The following ITSN1 variants were observed in gnomAD, a reference collection of about 807,000 sequenced individuals.
The protein encoded by ITSN1 is intersectin-1.
A neutral mutation model predicts 239.8 loss-of-function variants in ITSN1; 58 were observed. That is an observed-to-expected ratio of 0.24 (90% CI 0.20 to 0.30). The LOEUF is 0.30. Among genes scored for constraint, ITSN1 ranks in the 10% least tolerant of loss-of-function variants. The pLI is 1.00. For missense variants in ITSN1, 1,558 were observed against 2,103.3 expected (o/e 0.74, Z 5.07); for synonymous variants, 780 against 770.8 (o/e 1.01, Z -0.20).
At chr21:33,817,061 T>G (rs575675825) in intron 22 of ITSN1, among the ~76,000 whole-genome samples, 17 of 152,330 alleles carry the variant, frequency 1.1e-4, no homozygotes, top group Non-Finnish European at 2.4e-4. Context: ...TCTAAAGGCA[T>G]GTACAAATTG....
In ITSN1 at chr21:33,848,076, C is replaced by A. The variant is rs191171473; in HGVS notation, c.3662-8660C>A. Among the ~76,000 whole-genome samples the A allele has an allele frequency of 1.9e-3, 284 of 152,362 alleles. 1 individual carries two copies. The highest frequency in any genetic ancestry group is 3.0e-3 in the Non-Finnish European group (204 of 68,026). ...GCCGCACTGATCCCCTGAAACACAG[C>A]CAAGACCTTCCCAGCTCCGCAGCCA... On this transcript the variant is annotated intron_variant, in intron 29 of 39. Coordinates refer to ENST00000381318, the MANE Select transcript of ITSN1 (RefSeq NM_003024.3).
intron 1 of ITSN1, among the ~76,000 whole-genome samples, chr21:33,663,215 T>C (rs900226514): frequency 6.6e-6 from 1 of 152,246 alleles, no homozygotes; most frequent in Non-Finnish European, 1.5e-5. Context: ...GTTATGCCTG[T>C]AATTACTGCT....
chr21:33,785,194 T>A (rs1021188115), intron 16 of ITSN1, among the ~76,000 whole-genome samples: 22 of 152,208 alleles, frequency 1.4e-4, no homozygotes, highest in Admixed American at 6.5e-5. Flanking sequence ...TTAAAATTAG[T>A]TGATCAGGAT....
chr21:33,875,194 G>A (rs935948763), intron 33 of ITSN1, among the ~76,000 whole-genome samples, 160 bp from the exon 34 acceptor site: 26 of 152,202 alleles, frequency 1.7e-4, no homozygotes, highest in Admixed American at 7.9e-4. Flanking sequence ...CATCTGCTAC[G>A]TGATTGCCAT....
At chr21:33,885,615 T>A in intron 38 of ITSN1, 93 bp downstream of exon 38, 1 of 914,698 alleles carries the variant, frequency 1.1e-6, no homozygotes, top group Non-Finnish European at 1.8e-6. Flanking sequence ...TCAAATGTGC[T>A]ATTTCCATAC....
At chr21:33,751,253 G>C (rs924499285) in intron 6 of ITSN1, among the ~76,000 whole-genome samples, 1 of 152,178 alleles carries the variant, frequency 6.6e-6, no homozygotes, top group Admixed American at 6.5e-5. Flanking sequence ...ATTCTTTTGT[G>C]ACTAATGGCA....
chr21:33,838,295 G>A, intron 29 of ITSN1: 1 of 985,422 alleles, frequency 1.0e-6, no homozygotes, highest in Non-Finnish European at 1.2e-6. Context: ...TCGGGAGGCT[G>A]TGCTGGTGGT....
chr21:33,806,088 G>A (rs563508310), intron 20 of ITSN1, among the ~76,000 whole-genome samples: 62 of 148,640 alleles, frequency 4.2e-4, no homozygotes, highest in Admixed American at 8.0e-4. Context: ...GCGGGCGCCT[G>A]TAGTCCCAGC....
At chr21:33,878,868 C>T (rs1163968860) in intron 34 of ITSN1, among the ~76,000 whole-genome samples, 2 of 152,218 alleles carry the variant, frequency 1.3e-5, no homozygotes, top group Non-Finnish European at 2.9e-5. Flanking sequence ...GTGACTCCCA[C>T]TCTCGAGGAG....
chr21:33,739,238 A>G (rs1170746306), intron 5 of ITSN1, among the ~76,000 whole-genome samples: 1 of 152,206 alleles, frequency 6.6e-6, no homozygotes, highest in East Asian at 1.9e-4. Context: ...GAGCACCCTG[A>G]AAATAGAATT....
At chr21:33,874,912 G>C (rs1202987295) in intron 33 of ITSN1, among the ~76,000 whole-genome samples, 1 of 152,204 alleles carries the variant, frequency 6.6e-6, no homozygotes, top group Non-Finnish European at 1.5e-5. Flanking sequence ...CTCCCGAAGT[G>C]CTGGGATTAC....
chr21:33,710,210 C>T (rs2146945485), intron 1 of ITSN1, among the ~76,000 whole-genome samples: 1 of 151,884 alleles, frequency 6.6e-6, no homozygotes, highest in South Asian at 2.1e-4. Context: ...TCCCGAGTAG[C>T]TGGGACTGCA....
intron 1 of ITSN1, among the ~76,000 whole-genome samples, chr21:33,689,938 A>C (rs1238401734): frequency 1.3e-5 from 2 of 150,814 alleles, no homozygotes; most frequent in East Asian, 3.9e-4. Flanking sequence ...ACTGCATTCC[A>C]GCATGGGCGA....
intron 1 of ITSN1, among the ~76,000 whole-genome samples, chr21:33,670,895 T>G (rs1050694271): frequency 1.3e-5 from 2 of 152,238 alleles, no homozygotes; most frequent in Non-Finnish European, 2.9e-5. Context: ...TGTAATGACA[T>G]GTTCTCTAAA....
At chr21:33,856,941 C>T (rs1376486542) in intron 30 of ITSN1, 84 bp downstream of exon 30, 4 of 1,342,678 alleles carry the variant, frequency 3.0e-6, no homozygotes, top group Non-Finnish European at 4.2e-6. Flanking sequence ...GGTCTATGTC[C>T]TGATTCTGAG....
At chr21:33,829,391 G>T in intron 26 of ITSN1, 1 of 526,876 alleles carries the variant, frequency 1.9e-6, no homozygotes, top group East Asian at 3.2e-5. Context: ...GGATGACAAG[G>T]GAGTCTGCAG....
At chr21:33,676,015 A>G (rs1381806801) in intron 1 of ITSN1, among the ~76,000 whole-genome samples, 5 of 149,794 alleles carry the variant, frequency 3.3e-5, no homozygotes, top group South Asian at 2.1e-4. Flanking sequence ...AGTGCCATCC[A>G]CTATGATTTT....
At chr21:33,670,139 A>T (rs1267441047) in intron 1 of ITSN1, among the ~76,000 whole-genome samples, 1 of 152,162 alleles carries the variant, frequency 6.6e-6, no homozygotes, top group East Asian at 1.9e-4. Flanking sequence ...AGGTGGTAGG[A>T]TCACTTGAGC....
At chr21:33,715,812 G>A (rs1038682933) in intron 1 of ITSN1, among the ~76,000 whole-genome samples, 3 of 152,140 alleles carry the variant, frequency 2.0e-5, no homozygotes, top group Admixed American at 6.5e-5. Flanking sequence ...CAGCTACTTC[G>A]GAGGCAGAGG....
Sources: allele counts gnomAD v4.1 joint callset (sites outside exome capture counted in the v4.1 genomes callset), GRCh38; gene constraint gnomAD v4.1.1; transcripts MANE v1.5; gene names NCBI Gene and HGNC (gene_info 2026-07-23, HGNC 2026-07-21).